Variants in EMB observed in about 807,000 individuals in gnomAD.
The protein encoded by EMB is embigin homolog.
EMB carries 31 observed loss-of-function variants against 41.4 expected under a neutral mutation model. The observed-to-expected ratio is 0.75, with a 90% CI of 0.56 to 1.01. EMB has a LOEUF of 1.01. Among genes scored for constraint, EMB ranks in the 50% least tolerant of loss-of-function variants. The pLI, the probability that EMB is intolerant of heterozygous loss-of-function variation, is 0.00. For synonymous variants in EMB, 137 were observed against 140.4 expected, an observed-to-expected ratio of 0.98 and a Z score of 0.17; for missense variants, 379 against 388.3, an observed-to-expected ratio of 0.98 and a Z score of 0.20.
chr5:50,405,160 A>G (rs1244283576), intron 5 of EMB, among the ~76,000 whole-genome samples: 1 of 151,938 alleles, frequency 6.6e-6, no homozygotes, highest in Admixed American at 6.6e-5. Flanking sequence ...TTGAATAGCG[A>G]TTTCTCTCAG....
At chr5:50,404,674 G>C (rs1745220250) in intron 5 of EMB, among the ~76,000 whole-genome samples, 2 of 151,632 alleles carry the variant, frequency 1.3e-5, no homozygotes, top group Non-Finnish European at 3.0e-5. Flanking sequence ...AAATACCATA[G>C]TTGACATTTG....
At chr5:50,418,388 C>A (rs184161742) in intron 2 of EMB, among the ~76,000 whole-genome samples, 3 of 152,198 alleles carry the variant, frequency 2.0e-5, no homozygotes, top group African/African-American at 7.2e-5. Flanking sequence ...TCACTCACTG[C>A]GGAAACCTAA....
At chr5:50,417,941 T>A (rs1745456548) in intron 2 of EMB, among the ~76,000 whole-genome samples, 1 of 152,222 alleles carries the variant, frequency 6.6e-6, no homozygotes, top group Non-Finnish European at 1.5e-5. Flanking sequence ...AAAGCTCCTA[T>A]CAGTCACTGT....
Position 50,412,152 on chromosome 5 carries a change from T to C in EMB, c.197-769A>G, listed in dbSNP as rs1237408213. Among the ~76,000 whole-genome samples, 4 of 151,852 alleles carry C rather than the reference T, an allele frequency of 2.6e-5. No individual in the cohort carries two copies. In the East Asian group the frequency reaches 7.7e-4, roughly 29 times the overall value. On this transcript the variant is annotated intron_variant, in intron 2 of 8. Coordinates refer to ENST00000303221, the MANE Select transcript of EMB (RefSeq NM_198449.3). ...GAAAGGTTCTCAATTACTCTTCCCA[T>C]CTACAGGTGGGAAGAGAAGGAGCTA...
At chr5:50,437,319 T>C (rs1745820623) in intron 1 of EMB, among the ~76,000 whole-genome samples, 1 of 152,162 alleles carries the variant, frequency 6.6e-6, no homozygotes, top group Non-Finnish European at 1.5e-5. Flanking sequence ...AGTAGGCTTA[T>C]GGTTCATCTG....
At chr5:50,418,679 G>A (rs1745467408) in intron 2 of EMB, among the ~76,000 whole-genome samples, 1 of 151,996 alleles carries the variant, frequency 6.6e-6, no homozygotes, top group Non-Finnish European at 1.5e-5. Context: ...CTTTATTCTA[G>A]GCCCTAGTAT....
intron 1 of EMB, among the ~76,000 whole-genome samples, chr5:50,429,219 A>G (rs1260494853): frequency 8.5e-5 from 13 of 152,160 alleles, no homozygotes; most frequent in Non-Finnish European, 1.8e-4. Flanking sequence ...TGTTCCTTTT[A>G]TTTTAGAGTA....
At chr5:50,421,160 G>A (rs1437876502) in intron 2 of EMB, among the ~76,000 whole-genome samples, 2 of 152,112 alleles carry the variant, frequency 1.3e-5, no homozygotes, top group African/African-American at 4.8e-5. Flanking sequence ...AGTGGGTGAA[G>A]AATCAGTCAA....
At position 50,398,214 on chromosome 5, in the gene EMB, A is replaced by C. The variant is rs978944997; in HGVS notation, c.*1059T>G. The C allele has an allele frequency of 1.3e-5, 2 of 151,676 alleles. No homozygotes were observed. Among genetic ancestry groups the C allele is most frequent in the African/African-American group, 4.8e-5 (2 of 41,274 alleles). 9.4% of individuals were successfully genotyped at this position (151,676 alleles called of 1,614,324 possible). A position where few individuals can be genotyped will look rare whatever the true frequency, so the allele number is the denominator to read the frequency against. On this transcript the variant is annotated 3_prime_UTR_variant, in exon 9 of 9. Coordinates refer to ENST00000303221, the MANE Select transcript of EMB (RefSeq NM_198449.3). ...CATTGACAACTTTTCATGTTGATTC[A>C]GATTTTATAAGATTTGATTACAGTG...
At chr5:50,418,081 CTT>C (rs1355116182) in intron 2 of EMB, among the ~76,000 whole-genome samples, 1 of 152,166 alleles carries the variant, frequency 6.6e-6, no homozygotes, top group Non-Finnish European at 1.5e-5. Context: ...TTGCATGTCT[CTT>C]GTTTCAACAA....
intron 2 of EMB, among the ~76,000 whole-genome samples, chr5:50,425,179 C>T (rs1404431904): frequency 6.6e-6 from 1 of 152,184 alleles, no homozygotes; most frequent in Non-Finnish European, 1.5e-5. Flanking sequence ...ACCTAGACCT[C>T]TTGCTGGCCG....
At chr5:50,405,938 T>TG in intron 4 of EMB, 86 bp from the exon 5 acceptor site, 1 of 1,446,172 alleles carries the variant, frequency 6.9e-7, no homozygotes, top group Non-Finnish European at 9.1e-7. Flanking sequence ...TCTCCTTTCA[T>TG]TTTTTCATTA....
In EMB at chr5:50,413,300, C is replaced by A. The variant is rs550603209; in HGVS notation, c.197-1917G>T. 2.0e-5 allele frequency among the ~76,000 whole-genome samples: 3 copies of A among 152,250 alleles called. No homozygotes were observed. The East Asian group carries it at 5.8e-4, about 29-fold the overall frequency. On this transcript the variant is annotated intron_variant, in intron 2 of 8. Transcript: ENST00000303221. ...AATGATGCTGCAACCCCTAGTGAATCATGGATCTAGGCATTTTGCATCAAC... is the reference window on the plus strand; with the variant it reads ...AATGATGCTGCAACCCCTAGTGAATAATGGATCTAGGCATTTTGCATCAAC...
chr5:50,433,100 T>C lies in EMB; in HGVS notation c.113-4873A>G, dbSNP rs566227383. On this transcript the variant is annotated intron_variant, in intron 1 of 8. Coordinates refer to ENST00000303221, the MANE Select transcript of EMB (RefSeq NM_198449.3). ...CTCCAAAAAAAAAACAAAAAACTTA[T>C]AGTAATCCTGATGGGAACATTTATA... is the stretch of plus-strand genomic sequence containing the variant. Among the ~76,000 whole-genome samples, 58 of 152,036 alleles carry C rather than the reference T, an allele frequency of 3.8e-4. 1 individual carries two copies. In the South Asian group the frequency reaches 8.3e-3, roughly 22 times the overall value.
chr5:50,441,310 C>T, upstream of EMB: 1 of 406,260 alleles, frequency 2.5e-6, no homozygotes, highest in Non-Finnish European at 4.3e-6. Flanking sequence ...GGGGCCCGGC[C>T]GCCTTGCCCC....
At chr5:50,421,886 G>A (rs551099421) in intron 2 of EMB, among the ~76,000 whole-genome samples, 2 of 135,808 alleles carry the variant, frequency 1.5e-5, no homozygotes, top group East Asian at 4.5e-4. Context: ...CACACACCGG[G>A]GCCCGTTGTG....
intron 4 of EMB, among the ~76,000 whole-genome samples, chr5:50,410,479 C>A (rs925194706): frequency 1.3e-5 from 2 of 152,102 alleles, no homozygotes; most frequent in African/African-American, 4.8e-5. Flanking sequence ...ATCCTAAAAT[C>A]CCATGTCCTG....
Position 50,397,225 on chromosome 5 carries a change from T to C in EMB, c.*2048A>G, listed in dbSNP as rs890065556. 1.3e-5 allele frequency: 2 copies of C among 152,132 alleles called. No individual in the cohort carries two copies. Among genetic ancestry groups the C allele is most frequent in the Admixed American group, 6.6e-5 (1 of 15,248 alleles). 9.4% of individuals were successfully genotyped at this position (152,132 alleles called of 1,614,324 possible). ...TAATTCATTTATCATCTCTGTAAGATTGGTTAATGGAAGCAGATTAAAATC... is the reference window on the plus strand; with the variant it reads ...TAATTCATTTATCATCTCTGTAAGACTGGTTAATGGAAGCAGATTAAAATC... On this transcript the variant is annotated 3_prime_UTR_variant, in exon 9 of 9. Coordinates refer to ENST00000303221, the MANE Select transcript of EMB (RefSeq NM_198449.3).
chr5:50,398,005 T>C lies in EMB; in HGVS notation c.*1268A>G, dbSNP rs1745099469. The C allele has an allele frequency of 6.6e-6, 1 of 151,920 alleles. No homozygotes were observed. The allele number at this position is 151,920 out of a possible 1,614,324, so 9.4% of individuals were successfully genotyped here. A position where few individuals can be genotyped will look rare whatever the true frequency, so the allele number is the denominator to read the frequency against. ...CATGGAGCAAATTTTTATAAAGTAT[T>C]TCTTGTCAAATCATTGAATTCCTCC... On this transcript the variant is annotated 3_prime_UTR_variant, in exon 9 of 9. Coordinates refer to ENST00000303221, the MANE Select transcript of EMB (RefSeq NM_198449.3).
Sources: allele counts gnomAD v4.1 joint callset (sites outside exome capture counted in the v4.1 genomes callset), GRCh38; gene constraint gnomAD v4.1.1; transcripts MANE v1.5; gene names NCBI Gene and HGNC (gene_info 2026-07-23, HGNC 2026-07-21).